Variants in CUBN observed in about 807,000 individuals in gnomAD.
CUBN encodes 460 kDa receptor.
CUBN carries 282 observed loss-of-function variants against 405.3 expected under a neutral mutation model. That is an observed-to-expected ratio of 0.70 (90% CI 0.63 to 0.77). The LOEUF is 0.77. CUBN is among the 30% of genes least tolerant of loss of function. CUBN has a pLI of 0.00. For synonymous variants in CUBN, 1,684 were observed against 1,617.0 expected (o/e 1.04, Z -0.99); for missense variants, 4,514 against 4,475.2 (o/e 1.01, Z -0.25).
chr10:17,127,490 G>A (rs1258630177), intron 3 of CUBN, among the ~76,000 whole-genome samples: 2 of 145,362 alleles, frequency 1.4e-5, no homozygotes, highest in Non-Finnish European at 3.0e-5. Flanking sequence ...GCCCAGGCTG[G>A]TCTCAAACTC....
chr10:17,031,812 C>A (rs1834795512), intron 27 of CUBN, among the ~76,000 whole-genome samples: 1 of 152,210 alleles, frequency 6.6e-6, no homozygotes, highest in Admixed American at 6.5e-5. Flanking sequence ...GAAGAATCAT[C>A]CTTGGCACCT....
At chr10:17,097,604 T>C (rs908503883) in intron 14 of CUBN, among the ~76,000 whole-genome samples, 1 of 152,086 alleles carries the variant, frequency 6.6e-6, no homozygotes, top group Non-Finnish European at 1.5e-5. Context: ...CAAATATAGA[T>C]ATAAAAATCC....
At chr10:16,916,141 G>A (rs1461112099) in intron 45 of CUBN, 111 bp from the exon 46 acceptor site, 2 of 956,638 alleles carry the variant, frequency 2.1e-6, no homozygotes, top group African/African-American at 1.7e-5. Flanking sequence ...AAAACTTTTA[G>A]GTGCCAAGTG....
chr10:16,900,878 C>T (rs575844070), intron 52 of CUBN, 28 bp from the exon 53 acceptor site: 1 of 1,486,816 alleles, frequency 6.7e-7, no homozygotes, highest in East Asian at 2.3e-5. Context: ...AAATGGTTGT[C>T]AGTGAGCTTT....
At chr10:16,946,758 A>G (rs1288927854) in intron 36 of CUBN, among the ~76,000 whole-genome samples, 4 of 152,122 alleles carry the variant, frequency 2.6e-5, no homozygotes, top group Non-Finnish European at 4.4e-5. Context: ...GGCCTCCCAA[A>G]GTGCGGGATT....
intron 17 of CUBN, among the ~76,000 whole-genome samples, chr10:17,080,355 A>G (rs762771581): frequency 6.6e-6 from 1 of 152,226 alleles, no homozygotes; most frequent in Non-Finnish European, 1.5e-5. Context: ...TTAGGGTTCA[A>G]CGCCACTTGT....
chr10:16,841,152 C>T, intron 60 of CUBN, 105 bp from the exon 61 acceptor site: 1 of 907,478 alleles, frequency 1.1e-6, no homozygotes, highest in East Asian at 2.6e-5. Flanking sequence ...AACATTTTTA[C>T]ATTGATTTTC....
chr10:17,088,130 T>C (rs2131869242), intron 15 of CUBN, 34 bp downstream of exon 15: 1 of 1,548,198 alleles, frequency 6.5e-7, no homozygotes, highest in Non-Finnish European at 8.9e-7. Flanking sequence ...CCTAATCATA[T>C]TGTGATATGT....
intron 35 of CUBN, among the ~76,000 whole-genome samples, chr10:16,948,238 G>C (rs542022678): frequency 6.6e-6 from 1 of 152,254 alleles, no homozygotes; most frequent in East Asian, 1.9e-4. Flanking sequence ...CAAGTCATCT[G>C]ATAGCATGGC....
intron 40 of CUBN, among the ~76,000 whole-genome samples, chr10:16,932,817 C>T (rs1031496518): frequency 6.6e-6 from 1 of 152,188 alleles, no homozygotes. Context: ...ACAATGTTGA[C>T]ATTCAGACTA....
At position 16,899,194 on chromosome 10, in the gene CUBN, G is replaced by A; in HGVS notation, c.8411-11C>T. The A allele has an allele frequency of 1.2e-6, 2 of 1,609,146 alleles. No individual in the cohort carries two copies. Among genetic ancestry groups the A allele is most frequent in the Non-Finnish European group, 1.7e-6 (2 of 1,175,472 alleles). ...ATATTCCACCACAACCTGAAATATT[G>A]CCATGTAAAAAGCCATCAATCAGCA... On this transcript the variant is annotated splice_polypyrimidine_tract_variant and intron_variant, in intron 53 of 66. Transcript: ENST00000377833.
rs1433576706 is a variant in CUBN at position 16,864,963 on chromosome 10, T to C, written c.9454+4673A>G. 1.7e-3 allele frequency among the ~76,000 whole-genome samples: 238 copies of C among 136,874 alleles called. 1 individual carries two copies. The highest frequency in any genetic ancestry group is 6.4e-3 in the African/African-American group (230 of 36,076). 89.8% of individuals were successfully genotyped at this position (136,874 alleles called of 152,430 possible). On this transcript the variant is annotated intron_variant, in intron 59 of 66. Coordinates refer to ENST00000377833, the MANE Select transcript of CUBN (RefSeq NM_001081.4). The stretch of plus-strand genomic sequence containing the variant: ...CCATGCCCAGCTTTTTTTTTTTTTT[T>C]TTTTTTTTTTTTTTGGGACGGAGTT...
chr10:17,123,503 T>A, intron 5 of CUBN, 85 bp downstream of exon 5: 1 of 1,049,736 alleles, frequency 9.5e-7, no homozygotes, highest in Non-Finnish European at 1.5e-6. Flanking sequence ...AAACTTTAGA[T>A]GGAGAATTAA....
chr10:17,097,104 A>T (rs1242810752), intron 14 of CUBN, among the ~76,000 whole-genome samples: 2 of 152,130 alleles, frequency 1.3e-5, no homozygotes, highest in African/African-American at 2.4e-5. Flanking sequence ...TAAAACCATG[A>T]GGAAAATCAA....
At chr10:17,046,653 GTAAC>G (rs1197532561) in intron 23 of CUBN, among the ~76,000 whole-genome samples, 2 of 152,118 alleles carry the variant, frequency 1.3e-5, no homozygotes, top group Admixed American at 6.5e-5. Context: ...AGTCCAGTGA[GTAAC>G]TGCTGTAAAT....
chr10:16,909,806 C>T (rs973102346), intron 48 of CUBN, among the ~76,000 whole-genome samples: 6 of 152,184 alleles, frequency 3.9e-5, no homozygotes, highest in Admixed American at 6.5e-5. Context: ...GAAGCAGGCA[C>T]GTGAGATTTA....
chr10:16,878,640 G>A (rs1056723231), intron 56 of CUBN, among the ~76,000 whole-genome samples: 4 of 152,140 alleles, frequency 2.6e-5, no homozygotes, highest in Non-Finnish European at 5.9e-5. Context: ...TTTGGCATCT[G>A]ACATTCTTCC....
chr10:16,906,115 A>G, intron 50 of CUBN, 88 bp downstream of exon 50: 1 of 1,117,812 alleles, frequency 8.9e-7, no homozygotes. Flanking sequence ...TCCTGTCTCA[A>G]AACAACAACA....
In CUBN at chr10:16,851,327, C is replaced by T. The variant is rs778191541; in HGVS notation, c.9571G>A (p.Ala3191Thr). 5.0e-6 allele frequency: 8 copies of T among 1,613,950 alleles called. No homozygotes were observed. The highest frequency in any genetic ancestry group is 6.8e-6 in the Non-Finnish European group (8 of 1,179,954). ...KNLNCVWIII[A>T]PVNKVIHLTF... Reference sequence around the variant, plus strand: ...AGGTGAATTACTTTGTTTACAGGTGCAATTATGATCCATACACAGTTTAAA... The same window carrying T: ...AGGTGAATTACTTTGTTTACAGGTGTAATTATGATCCATACACAGTTTAAA... The change falls in exon 60 of 67, where the codon GCA (alanine) becomes ACA (threonine). Residue 3191 changes from alanine to threonine, a missense_variant. This residue lies in a region of CUBN where 1,186 missense variants were observed against 1,186.9 expected (regional missense o/e 1.00). Transcript: ENST00000377833.
Sources: allele counts gnomAD v4.1 joint callset (sites outside exome capture counted in the v4.1 genomes callset), GRCh38; gene constraint gnomAD v4.1.1; regional missense constraint gnomAD v4.1.1; transcripts MANE v1.5; gene names NCBI Gene and HGNC (gene_info 2026-07-23, HGNC 2026-07-21).